Variants in TRIB2 observed in about 807,000 individuals in gnomAD.
TRIB2 encodes tribbles pseudokinase 2, also known as tribbles homolog 2.
TRIB2 carries 2 observed loss-of-function variants against 26.8 expected under a neutral mutation model. That is an observed-to-expected ratio of 0.07 (90% CI 0.03 to 0.24). TRIB2 has a LOEUF of 0.24. Among genes scored for constraint, TRIB2 ranks in the 10% least tolerant of loss-of-function variants. The probability of loss-of-function intolerance (pLI) is 1.00; values close to 1 mark genes in which losing one functional copy is unlikely to be tolerated. For missense variants in TRIB2, 306 were observed against 449.0 expected, an observed-to-expected ratio of 0.68 and a Z score of 2.88; for synonymous variants, 189 against 187.3, an observed-to-expected ratio of 1.01 and a Z score of -0.08.
chr2:12,717,521 G>T lies in TRIB2; in HGVS notation c.-787G>T, dbSNP rs1343279521. 2.3e-5 allele frequency: 9 copies of T among 398,266 alleles called. No homozygotes were observed. Among genetic ancestry groups the T allele is most frequent in the Non-Finnish European group, 3.5e-5 (8 of 225,874 alleles). 24.7% of individuals were successfully genotyped at this position (398,266 alleles called of 1,614,324 possible). A position where few individuals can be genotyped will look rare whatever the true frequency, so the allele number is the denominator to read the frequency against. On this transcript the variant is annotated 5_prime_UTR_variant, in exon 1 of 3. Transcript: ENST00000155926. This position sits in a 1 kb window ranked among gnomAD's most constrained non-coding sequence, Gnocchi z 4.8. ...GGCTTTGTCGCGGTACCTGCGCCCA[G>T]CCCGCGCCGCAACTCTGTGCCCAGC...
chr2:12,739,231 G>C (rs1217386378), intron 2 of TRIB2, among the ~76,000 whole-genome samples: 1 of 152,132 alleles, frequency 6.6e-6, no homozygotes, highest in Non-Finnish European at 1.5e-5. Context: ...AGAAGACAAA[G>C]GCGGCAGGAA....
intron 2 of TRIB2, among the ~76,000 whole-genome samples, chr2:12,725,636 C>T (rs764576909): frequency 2.6e-5 from 4 of 152,210 alleles, no homozygotes; most frequent in East Asian, 1.9e-4. Context: ...CTGGAAGTTA[C>T]GTTTGACTTT....
At chr2:12,726,621 C>A (rs185729683) in intron 2 of TRIB2, among the ~76,000 whole-genome samples, 258 of 152,352 alleles carry the variant, frequency 1.7e-3, no homozygotes, top group Non-Finnish European at 2.8e-3. Context: ...TTTTGGAAAG[C>A]TAAACCACAG....
intron 2 of TRIB2, among the ~76,000 whole-genome samples, chr2:12,727,145 T>G (rs1387624164): frequency 6.6e-6 from 1 of 152,244 alleles, no homozygotes; most frequent in Non-Finnish European, 1.5e-5. Context: ...TCTTCTTAGC[T>G]ACCTGATCTT....
intron 2 of TRIB2, among the ~76,000 whole-genome samples, chr2:12,730,752 G>A (rs776677897): frequency 6.4e-4 from 98 of 152,272 alleles, no homozygotes; most frequent in African/African-American, 2.3e-3. Context: ...CTTATGTCCC[G>A]TGGCGTGAAT....
At chr2:12,721,642 GAT>G (rs1474907583) in intron 1 of TRIB2, among the ~76,000 whole-genome samples, 1 of 152,218 alleles carries the variant, frequency 6.6e-6, no homozygotes, top group Non-Finnish European at 1.5e-5. Context: ...GGTCTCTGGA[GAT>G]GTTGAAGTAT....
rs1572476020 is a variant in TRIB2, at chr2:12,718,145, A to G, written c.-163A>G. 9.8e-7 allele frequency: 1 copy of G among 1,021,170 alleles called. No individual in the cohort carries two copies. The highest frequency in any genetic ancestry group is 1.8e-5 in the South Asian group (1 of 55,534). The allele number at this position is 1,021,170 out of a possible 1,614,324, so 63.3% of individuals were successfully genotyped here. ...GCAGACGAGGTATCCGGCGGCGCCC[A>G]TTTGGGGGCTTCTAACTCTTTCTCC... On this transcript the variant is annotated 5_prime_UTR_variant, in exon 1 of 3. Transcript: ENST00000155926. This position sits in a 1 kb window ranked among gnomAD's most constrained non-coding sequence, Gnocchi z 4.0.
At chr2:12,734,581 T>C (rs76855379) in intron 2 of TRIB2, among the ~76,000 whole-genome samples, 1,524 of 152,254 alleles carry the variant, frequency 0.01, 10 homozygotes, top group Non-Finnish European at 0.014. Context: ...TCGATCATTA[T>C]TGTTGCCCCC....
chr2:12,740,749 G>A lies in TRIB2; in HGVS notation c.987G>A (p.Val329=), dbSNP rs373997699. ...YGAKEVSDQL[V]PDVNMEENLD... ...CTAAGGAAGTGTCTGACCAGCTGGTGCCGGACGTCAACATGGAAGAGAACT... is the reference window on the plus strand; with the variant it reads ...CTAAGGAAGTGTCTGACCAGCTGGTACCGGACGTCAACATGGAAGAGAACT... Residue 329 remains valine (V), a synonymous_variant, in exon 3 of 3, where the codon GTG becomes GTA. Coordinates refer to ENST00000155926, the MANE Select transcript of TRIB2 (RefSeq NM_021643.4). The surrounding 1 kb of genome is among the most constrained non-coding windows in gnomAD (Gnocchi z 5.8). 6.2e-7 allele frequency: 1 copy of A among 1,614,208 alleles called. No individual in the cohort carries two copies. The highest frequency in any genetic ancestry group is 1.3e-5 in the African/African-American group (1 of 75,046).
rs113802678 is a variant in TRIB2 at position 12,723,066 on chromosome 2, GGAGGCTCCGA to G, written c.271-189_271-180del. 9.6e-3 allele frequency among the ~76,000 whole-genome samples: 1,459 copies of G among 152,238 alleles called. 22 individuals carry two copies. Among genetic ancestry groups the G allele is most frequent in the African/African-American group, 0.034 (1,402 of 41,528 alleles). Reference sequence around the variant, plus strand: ...TTTCCCATGTTGTACGTAAAGATTTGGAGGCTCCGAGAGGTTAAGTGACTTGTTTAGTGCC... The same window carrying G: ...TTTCCCATGTTGTACGTAAAGATTTGGAGGTTAAGTGACTTGTTTAGTGCC... On this transcript the variant is annotated intron_variant, in intron 1 of 2. Transcript: ENST00000155926.
At chr2:12,729,671 T>C (rs548278949) in intron 2 of TRIB2, among the ~76,000 whole-genome samples, 113 of 152,304 alleles carry the variant, frequency 7.4e-4, no homozygotes, top group Admixed American at 1.4e-3. Context: ...AGGGGAGAGC[T>C]TCCTCCAGGT....
intron 2 of TRIB2, among the ~76,000 whole-genome samples, chr2:12,724,413 G>A (rs1014446043): frequency 5.3e-5 from 8 of 152,142 alleles, no homozygotes; most frequent in African/African-American, 1.9e-4. Flanking sequence ...AGCCCTTTTT[G>A]TTCTTTTTAA....
At chr2:12,723,811 G>A (rs748455825) in intron 2 of TRIB2, among the ~76,000 whole-genome samples, 8 of 152,212 alleles carry the variant, frequency 5.3e-5, no homozygotes, top group South Asian at 2.1e-4. Flanking sequence ...GTATGATTAG[G>A]TGTCTTGAAT....
rs1661483330 is a variant in TRIB2 at position 12,732,662 on chromosome 2, T to G, written c.564-7664T>G. 6.6e-6 allele frequency among the ~76,000 whole-genome samples: 1 copy of G among 152,230 alleles called. No individual in the cohort carries two copies. Among genetic ancestry groups the G allele is most frequent in the Non-Finnish European group, 1.5e-5 (1 of 68,042 alleles). ...CAGAATTAAGTGAACGACAATTTAT[T>G]TGGCATCGTTTAGTGGCCTGTGACG... is the stretch of plus-strand genomic sequence containing the variant. On this transcript the variant is annotated intron_variant, in intron 2 of 2. Transcript: ENST00000155926. This position sits in a 1 kb window ranked among gnomAD's most constrained non-coding sequence, Gnocchi z 4.2.
intron 1 of TRIB2, among the ~76,000 whole-genome samples, chr2:12,721,114 T>C (rs554001966): frequency 6.6e-6 from 1 of 152,202 alleles, no homozygotes; most frequent in Middle Eastern, 3.2e-3. Context: ...TGATAGCTAC[T>C]AATAAAAGTT....
chr2:12,720,830 A>G (rs1661198367), intron 1 of TRIB2, among the ~76,000 whole-genome samples: 1 of 152,232 alleles, frequency 6.6e-6, no homozygotes, highest in Admixed American at 6.5e-5. Flanking sequence ...TGCTAGATGA[A>G]TGAAGGCACT....
At chr2:12,739,262 T>G (rs1027917712) in intron 2 of TRIB2, among the ~76,000 whole-genome samples, 4 of 151,908 alleles carry the variant, frequency 2.6e-5, no homozygotes, top group Non-Finnish European at 5.9e-5. Flanking sequence ...AGAAGATGGT[T>G]TTGTTTTTCT....
chr2:12,732,500 G>A lies in TRIB2; in HGVS notation c.564-7826G>A, dbSNP rs996418002. Among the ~76,000 whole-genome samples, 1 of 152,130 alleles carries A rather than the reference G, an allele frequency of 6.6e-6. No homozygotes were observed. The highest frequency in any genetic ancestry group is 1.5e-5 in the Non-Finnish European group (1 of 68,024). ...CACGATGCCCTGAGATGCTTCCCCCGTGGCTCACCTGTTGCTCTCCCTGCT... is the reference window on the plus strand; with the variant it reads ...CACGATGCCCTGAGATGCTTCCCCCATGGCTCACCTGTTGCTCTCCCTGCT... On this transcript the variant is annotated intron_variant, in intron 2 of 2. Transcript: ENST00000155926. This position sits in a 1 kb window ranked among gnomAD's most constrained non-coding sequence, Gnocchi z 4.2.
intron 2 of TRIB2, among the ~76,000 whole-genome samples, chr2:12,724,035 C>G (rs1207622363): frequency 6.6e-6 from 1 of 152,104 alleles, no homozygotes; most frequent in East Asian, 1.9e-4. Context: ...AGCCAACGGA[C>G]CTATAAAGGA....
Sources: allele counts gnomAD v4.1 joint callset (sites outside exome capture counted in the v4.1 genomes callset), GRCh38; gene constraint gnomAD v4.1.1; non-coding constraint Gnocchi (gnomAD v3.1); transcripts MANE v1.5; gene names NCBI Gene and HGNC (gene_info 2026-07-23, HGNC 2026-07-21).